The following BCL2 variants were observed in gnomAD, a reference collection of about 807,000 sequenced individuals.
BCL2 encodes the protein BCL2 apoptosis regulator.
In BCL2, 1 loss-of-function variant was observed where a neutral mutation model predicts 14.2. That is an observed-to-expected ratio of 0.07 (90% CI 0.02 to 0.33). The LOEUF is 0.33. Ranked by LOEUF, BCL2 falls within the 10% of genes least tolerant of loss-of-function variation. The pLI, the probability that BCL2 is intolerant of heterozygous loss-of-function variation, is 0.99. For missense variants in BCL2, 247 were observed against 305.9 expected (o/e 0.81, Z 1.44); for synonymous variants, 151 against 137.2 (o/e 1.10, Z -0.70).
chr18:63,253,478 G>A (rs933374977), intron 2 of BCL2, among the ~76,000 whole-genome samples: 3 of 152,134 alleles, frequency 2.0e-5, no homozygotes, highest in Non-Finnish European at 2.9e-5. Flanking sequence ...ATATCACATT[G>A]CTGGGGTAGC....
intron 2 of BCL2, among the ~76,000 whole-genome samples, chr18:63,164,576 C>G (rs1435468925): frequency 6.6e-6 from 1 of 152,188 alleles, no homozygotes; most frequent in Non-Finnish European, 1.5e-5. Flanking sequence ...TAGTCAAGCT[C>G]TTCAGCTGGA....
intron 2 of BCL2, among the ~76,000 whole-genome samples, chr18:63,137,296 A>T (rs189197801): frequency 9.8e-5 from 15 of 152,332 alleles, no homozygotes; most frequent in African/African-American, 3.6e-4. Context: ...ACAGTATTAT[A>T]CGAAGATCAT....
intron 2 of BCL2, among the ~76,000 whole-genome samples, chr18:63,261,713 A>C (rs1599276417): frequency 1.3e-5 from 2 of 152,186 alleles, no homozygotes; most frequent in East Asian, 3.8e-4. Flanking sequence ...CTGTCTTAAA[A>C]AACTGAATTT....
intron 2 of BCL2, among the ~76,000 whole-genome samples, chr18:63,211,825 G>T (rs1910015331): frequency 6.6e-6 from 1 of 152,240 alleles, no homozygotes; most frequent in South Asian, 2.1e-4. Context: ...CCCTGCGGCA[G>T]CACCAGCCTG....
At chr18:63,296,923 T>C (rs375604769) in intron 2 of BCL2, among the ~76,000 whole-genome samples, 4 of 152,168 alleles carry the variant, frequency 2.6e-5, no homozygotes, top group African/African-American at 7.2e-5. Context: ...AGAAATATAA[T>C]GGGAACCGGC....
At chr18:63,158,611 G>A (rs561701681) in intron 2 of BCL2, among the ~76,000 whole-genome samples, 2 of 152,190 alleles carry the variant, frequency 1.3e-5, no homozygotes, top group African/African-American at 4.8e-5. Flanking sequence ...AGAATCCAAG[G>A]TCTAAGTCAT....
intron 2 of BCL2, among the ~76,000 whole-genome samples, chr18:63,301,384 G>A (rs751550933): frequency 1.2e-4 from 18 of 152,288 alleles, no homozygotes; most frequent in Non-Finnish European, 2.4e-4. Context: ...GGTGGAAAAC[G>A]TAAATTTTAT....
chr18:63,217,346 G>T (rs992573386), intron 2 of BCL2, among the ~76,000 whole-genome samples: 1 of 152,178 alleles, frequency 6.6e-6, no homozygotes, highest in Non-Finnish European at 1.5e-5. Flanking sequence ...ATCCTGGAGT[G>T]GCTTGTCAGA....
intron 2 of BCL2, among the ~76,000 whole-genome samples, chr18:63,312,010 A>G (rs924697697): frequency 2.6e-5 from 4 of 152,264 alleles, no homozygotes; most frequent in Non-Finnish European, 5.9e-5. Flanking sequence ...AGCAGATACT[A>G]TCTTTTCTCT....
At chr18:63,153,595 C>T (rs1165659938) in intron 2 of BCL2, among the ~76,000 whole-genome samples, 1 of 152,120 alleles carries the variant, frequency 6.6e-6, no homozygotes, top group Non-Finnish European at 1.5e-5. Context: ...AAGCTCAATA[C>T]CTGTATATTA....
intron 2 of BCL2, among the ~76,000 whole-genome samples, chr18:63,131,438 G>A (rs898593033): frequency 3.9e-5 from 6 of 152,376 alleles, no homozygotes; most frequent in Admixed American, 3.3e-4. Flanking sequence ...GCACAATCAT[G>A]ATTGTCTGCC....
At chr18:63,263,993 C>T (rs1252963296) in intron 2 of BCL2, among the ~76,000 whole-genome samples, 2 of 152,196 alleles carry the variant, frequency 1.3e-5, no homozygotes, top group Non-Finnish European at 2.9e-5. Flanking sequence ...TGGTCACGAA[C>T]GTCTGACCTC....
At chr18:63,243,058 A>G (rs1051803962) in intron 2 of BCL2, among the ~76,000 whole-genome samples, 1 of 152,226 alleles carries the variant, frequency 6.6e-6, no homozygotes, top group African/African-American at 2.4e-5. Flanking sequence ...GTGCAAATTC[A>G]TCAGCATCTG....
chr18:63,183,533 C>G (rs4987796), intron 2 of BCL2, among the ~76,000 whole-genome samples: 13,110 of 152,212 alleles, frequency 0.086, 1,399 homozygotes, highest in African/African-American at 0.25. Flanking sequence ...GCCATCAGCT[C>G]AGCTGTGCCC....
At chr18:63,298,046 C>T (rs1013017582) in intron 2 of BCL2, among the ~76,000 whole-genome samples, 6 of 152,160 alleles carry the variant, frequency 3.9e-5, no homozygotes, top group Non-Finnish European at 5.9e-5. Flanking sequence ...CTGCTATGGC[C>T]ACCAGTATTT....
chr18:63,214,717 T>C lies in BCL2; in HGVS notation c.586-85958A>G, dbSNP rs942382109. 5.9e-5 allele frequency among the ~76,000 whole-genome samples: 9 copies of C among 151,504 alleles called. No individual in the cohort carries two copies. In the East Asian group the frequency reaches 1.7e-3, roughly 29 times the overall value. On this transcript the variant is annotated intron_variant, in intron 2 of 2. Transcript: ENST00000333681. ...CTTTTTTATTTATTTATTTATTTAT[T>C]TATCTATTTTTGAGACATACGCTCA...
At chr18:63,242,870 A>C (rs868143346) in intron 2 of BCL2, among the ~76,000 whole-genome samples, 1 of 152,198 alleles carries the variant, frequency 6.6e-6, no homozygotes, top group Non-Finnish European at 1.5e-5. Flanking sequence ...AGTTTGAAAG[A>C]GGGATCAGGT....
At chr18:63,237,384 G>C (rs1275701170) in intron 2 of BCL2, among the ~76,000 whole-genome samples, 2 of 152,160 alleles carry the variant, frequency 1.3e-5, no homozygotes, top group Non-Finnish European at 2.9e-5. Flanking sequence ...ACCAAGGGAG[G>C]TTCCGGAATC....
At chr18:63,133,021 C>A (rs1330115009) in intron 2 of BCL2, among the ~76,000 whole-genome samples, 1 of 152,196 alleles carries the variant, frequency 6.6e-6, no homozygotes, top group Non-Finnish European at 1.5e-5. Flanking sequence ...AGGAGATGGG[C>A]AGGGCCTCAG....
Sources: gnomAD v4.1 joint callset for allele counts (sites outside exome capture counted in the v4.1 genomes callset) on GRCh38, gnomAD v4.1.1 for gene constraint, MANE v1.5 for transcripts, NCBI Gene and HGNC (gene_info 2026-07-23, HGNC 2026-07-21) for gene names.